CPAMD8: variants seen among roughly 807,000 people sequenced by gnomAD.
CPAMD8 encodes C3 and PZP like alpha-2-macroglobulin domain containing 8.
Under a neutral mutation model 224.7 loss-of-function variants are expected in CPAMD8, and 146 were observed. The ratio of observed to expected loss-of-function variants is 0.65; its 90% CI spans 0.57 to 0.75. CPAMD8 has a LOEUF of 0.75. Among genes scored for constraint, CPAMD8 ranks in the 30% least tolerant of loss-of-function variants. The pLI is 0.00. For synonymous variants in CPAMD8, 966 were observed against 1,044.6 expected, an observed-to-expected ratio of 0.92 and a Z score of 1.45; for missense variants, 2,301 against 2,537.5, an observed-to-expected ratio of 0.91 and a Z score of 2.00.
chr19:16,912,317 C>T (rs1398512467), intron 29 of CPAMD8, among the ~76,000 whole-genome samples: 1 of 152,106 alleles, frequency 6.6e-6, no homozygotes, highest in Non-Finnish European at 1.5e-5. Flanking sequence ...ACAACTGCTG[C>T]CCTGCAGGGC....
At position 16,945,694 on chromosome 19, in the gene CPAMD8, T is replaced by C. The variant is rs1373823317; in HGVS notation, c.2663-15A>G. 1.2e-6 allele frequency: 2 copies of C among 1,613,742 alleles called. No homozygotes were observed. The highest frequency in any genetic ancestry group is 1.6e-4 in the Middle Eastern group (1 of 6,062). On this transcript the variant is annotated splice_polypyrimidine_tract_variant and intron_variant, in intron 21 of 41. Transcript: ENST00000443236. Reference sequence around the variant, plus strand: ...AAGGGCTTTGGCTGCAGAAATTTGATGTCTTGGTCTCAGAACAGGTCTCCA... The same window carrying C: ...AAGGGCTTTGGCTGCAGAAATTTGACGTCTTGGTCTCAGAACAGGTCTCCA...
chr19:16,989,038 G>A (rs1335905453), intron 13 of CPAMD8, among the ~76,000 whole-genome samples: 1 of 152,110 alleles, frequency 6.6e-6, no homozygotes, highest in East Asian at 1.9e-4. Context: ...ACCACCCCCA[G>A]ACGGGACTGT....
At position 16,942,865 on chromosome 19, in the gene CPAMD8, G is replaced by A. The variant is rs547070082; in HGVS notation, c.2793+2684C>T. 7.9e-5 allele frequency among the ~76,000 whole-genome samples: 12 copies of A among 152,282 alleles called. No individual in the cohort carries two copies. In the East Asian group the frequency reaches 9.6e-4, roughly 12 times the overall value. On this transcript the variant is annotated intron_variant, in intron 22 of 41. Transcript: ENST00000443236. ...TGCATGATGCACGAATAGTAGCTCC[G>A]GCTGGGCATTTCTAAAGCCTTGTAG...
At chr19:16,923,337 C>T (rs1008999492) in intron 26 of CPAMD8, among the ~76,000 whole-genome samples, 3 of 152,086 alleles carry the variant, frequency 2.0e-5, no homozygotes, top group East Asian at 1.9e-4. Context: ...GACCCAGTGG[C>T]GGCGACAGAG....
In CPAMD8 at chr19:17,011,496, C is replaced by T. The variant is rs533642927; in HGVS notation, c.454G>A (p.Val152Ile). 21 of 1,614,192 alleles carry T rather than the reference C, an allele frequency of 1.3e-5. No homozygotes were observed. Among genetic ancestry groups the T allele is most frequent in the Admixed American group, 3.3e-5 (2 of 60,014 alleles). Residue 152 changes from valine to isoleucine, a missense_variant, in exon 5 of 42, where the codon GTC (valine) becomes ATC (isoleucine). By Grantham distance (29) the Val-to-Ile change is conservative (BLOSUM62 3). Transcript: ENST00000443236. ...QHRVLISIFT[V>I]SPNLRPVNEK... The stretch of plus-strand genomic sequence containing the variant: ...TTGACAGGCCTCAGATTTGGAGAGA[C>T]GGTGAAGATGCTTATGAGCACTAGA...
rs12609040 is a variant in CPAMD8 at position 16,985,833 on chromosome 19, G to C, written c.1395+3810C>G. ...AGAGAGGGACAGATGGAGGGATGGA[G>C]AGAGAGATGGAGGGTGGATGGAGGG... On this transcript the variant is annotated intron_variant, in intron 13 of 41. Coordinates refer to ENST00000443236, the MANE Select transcript of CPAMD8 (RefSeq NM_015692.5). 3.2e-4 allele frequency among the ~76,000 whole-genome samples: 49 copies of C among 151,860 alleles called. No homozygotes were observed. The East Asian group carries it at 9.3e-3, about 29-fold the overall frequency.
At position 16,918,139 on chromosome 19, in the gene CPAMD8, C is replaced by T. The variant is rs565898053; in HGVS notation, c.3630-3326G>A. On this transcript the variant is annotated intron_variant, in intron 27 of 41. Coordinates refer to ENST00000443236, the MANE Select transcript of CPAMD8 (RefSeq NM_015692.5). ...CCTCCCGAGTAGCTGGGACTACAGA[C>T]GCCCACCACCATGCCCAGCTAATTT... Among the ~76,000 whole-genome samples the T allele has an allele frequency of 9.2e-5, 14 of 152,202 alleles. No individual in the cohort carries two copies. The South Asian group carries it at 1.2e-3, about 14-fold the overall frequency.
In CPAMD8 at chr19:17,010,223, CT is replaced by C. The variant is rs367850489; in HGVS notation, c.487-904del. Among the ~76,000 whole-genome samples the C allele has an allele frequency of 4.9e-3, 723 of 147,270 alleles. 10 individuals carry two copies. The highest frequency in any genetic ancestry group is 5.6e-3 in the Non-Finnish European group (374 of 66,322). ...TCAATGTCAAAATTATTTTCCTCCTCTTTTTTTTTTGGTTTTTCGTTTTTTG... is the reference window on the plus strand; with the variant it reads ...TCAATGTCAAAATTATTTTCCTCCTCTTTTTTTTTGGTTTTTCGTTTTTTG... On this transcript the variant is annotated intron_variant, in intron 5 of 41. Coordinates refer to ENST00000443236, the MANE Select transcript of CPAMD8 (RefSeq NM_015692.5).
rs1402764842 is a variant in CPAMD8, at chr19:16,899,088, T to C, written c.4848+387A>G. ...GTAGCGTGCCATCACACCTGGCTAA[T>C]TTTTGTGTTTTTTGTAGAGACAGGG... is the stretch of plus-strand genomic sequence containing the variant. On this transcript the variant is annotated intron_variant, in intron 37 of 41. Coordinates refer to ENST00000443236, the MANE Select transcript of CPAMD8 (RefSeq NM_015692.5). This position sits in a 1 kb window ranked among gnomAD's most constrained non-coding sequence, Gnocchi z 5.4. Among the ~76,000 whole-genome samples the C allele has an allele frequency of 6.6e-6, 1 of 152,110 alleles. No individual in the cohort carries two copies. The highest frequency in any genetic ancestry group is 1.5e-5 in the Non-Finnish European group (1 of 68,016).
intron 29 of CPAMD8, among the ~76,000 whole-genome samples, chr19:16,913,963 T>C (rs532985080): frequency 1.3e-5 from 2 of 152,224 alleles, no homozygotes; most frequent in South Asian, 2.1e-4. Flanking sequence ...ACTATGGCCC[T>C]CAAGTCTCTT....
chr19:16,949,004 A>G (rs2054212374), intron 20 of CPAMD8, among the ~76,000 whole-genome samples: 3 of 135,284 alleles, frequency 2.2e-5, no homozygotes, highest in Admixed American at 2.2e-4. Flanking sequence ...AAGAGAGAGA[A>G]AAGAAAAGAA....
At chr19:17,020,238 T>G in intron 3 of CPAMD8, 93 bp downstream of exon 3, 2 of 966,810 alleles carry the variant, frequency 2.1e-6, no homozygotes, top group South Asian at 2.6e-5. Flanking sequence ...CCTTCCAAAG[T>G]GCTGGGATTA....
intron 21 of CPAMD8, among the ~76,000 whole-genome samples, chr19:16,946,143 T>C (rs1010123978): frequency 1.3e-5 from 2 of 151,068 alleles, no homozygotes; most frequent in Non-Finnish European, 2.9e-5. Context: ...GTGCAATGCA[T>C]ATCTGCACAT....
intron 13 of CPAMD8, among the ~76,000 whole-genome samples, chr19:16,981,750 AC>A (rs377277661): frequency 0.011 from 1,716 of 152,294 alleles, 22 homozygotes; most frequent in African/African-American, 0.03. Context: ...TGTTGGGATC[AC>A]CCTGAAAGCC....
intron 22 of CPAMD8, among the ~76,000 whole-genome samples, chr19:16,941,934 T>C (rs527777161): frequency 3.9e-5 from 6 of 152,080 alleles, no homozygotes; most frequent in South Asian, 4.2e-4. Context: ...GATCATGCCA[T>C]TGCACTCCAG....
In CPAMD8 at chr19:17,011,933, G is replaced by T. The variant is rs562912899; in HGVS notation, c.268-176C>A. Among the ~76,000 whole-genome samples, 26 of 152,278 alleles carry T rather than the reference G, an allele frequency of 1.7e-4. No homozygotes were observed. In the South Asian group the frequency reaches 4.6e-3, roughly 27 times the overall value. On this transcript the variant is annotated intron_variant, in intron 3 of 41. Coordinates refer to ENST00000443236, the MANE Select transcript of CPAMD8 (RefSeq NM_015692.5). Reference sequence around the variant, plus strand: ...TGGGGTGTCATAGCTTTGGGGGTGGGGATTGCTACTGTCACTTGAGAGGGG... The same window carrying T: ...TGGGGTGTCATAGCTTTGGGGGTGGTGATTGCTACTGTCACTTGAGAGGGG...
At chr19:17,006,534 A>C (rs1477417216) in intron 7 of CPAMD8, among the ~76,000 whole-genome samples, 1 of 151,232 alleles carries the variant, frequency 6.6e-6, no homozygotes, top group African/African-American at 2.4e-5. Context: ...CTCTTGAGAA[A>C]AAAAAAAAAA....
chr19:16,955,027 C>T (rs1369194961), intron 19 of CPAMD8, among the ~76,000 whole-genome samples: 2 of 152,192 alleles, frequency 1.3e-5, no homozygotes, highest in Non-Finnish European at 2.9e-5. Context: ...ACTCAGGAGG[C>T]TGAGGCAGGA....
chr19:16,921,592 G>A (rs1006373374), intron 27 of CPAMD8, among the ~76,000 whole-genome samples: 5 of 152,120 alleles, frequency 3.3e-5, no homozygotes, highest in African/African-American at 1.2e-4. Context: ...CGCTATTCCT[G>A]AGTCCTGGGA....
Sources: allele counts gnomAD v4.1 joint callset (sites outside exome capture counted in the v4.1 genomes callset), GRCh38; gene constraint gnomAD v4.1.1; non-coding constraint Gnocchi (gnomAD v3.1); transcripts MANE v1.5; gene names NCBI Gene and HGNC (gene_info 2026-07-23, HGNC 2026-07-21).